FOXO3: variants seen among roughly 807,000 people sequenced by gnomAD.
FOXO3 encodes the protein forkhead box protein O3.
A neutral mutation model predicts 41.9 loss-of-function variants in FOXO3; 4 were observed. The ratio of observed to expected loss-of-function variants is 0.10; its 90% CI spans 0.05 to 0.22. The LOEUF is 0.22. FOXO3 is among the 10% of genes least tolerant of loss of function. The pLI is 1.00. For missense variants in FOXO3, 534 were observed against 906.8 expected, an observed-to-expected ratio of 0.59 and a Z score of 5.28; for synonymous variants, 318 against 389.3, an observed-to-expected ratio of 0.82 and a Z score of 2.16.
chr6:108,591,482 A>T (rs1285548693), intron 1 of FOXO3, among the ~76,000 whole-genome samples: 1 of 152,220 alleles, frequency 6.6e-6, no homozygotes, highest in Non-Finnish European at 1.5e-5. Flanking sequence ...GTCAGCATGA[A>T]ATCCAAAATT....
intron 2 of FOXO3, among the ~76,000 whole-genome samples, chr6:108,678,164 CAG>C (rs1205214459): frequency 1.3e-4 from 20 of 152,276 alleles, no homozygotes; most frequent in Admixed American, 1.2e-3. Context: ...CCAGCAAGTG[CAG>C]AGTCACAGAA....
At chr6:108,611,960 C>T (rs1777377795) in intron 1 of FOXO3, among the ~76,000 whole-genome samples, 1 of 152,206 alleles carries the variant, frequency 6.6e-6, no homozygotes, top group South Asian at 2.1e-4. Flanking sequence ...TTGACACCTT[C>T]GTGTATTTCT....
At position 108,572,600 on chromosome 6, in the gene FOXO3, G is replaced by A. The variant is rs563402377; in HGVS notation, c.621+10771G>A. Among the ~76,000 whole-genome samples the A allele has an allele frequency of 2.1e-4, 32 of 152,294 alleles. 1 individual carries two copies. The highest frequency in any genetic ancestry group is 2.1e-3 in the Admixed American group (32 of 15,294). ...GTTCAGACATTTAAGAATCAGAATT[G>A]CATCTGTTTATTCTCATATTTTAAA... is the stretch of plus-strand genomic sequence containing the variant. On this transcript the variant is annotated intron_variant, in intron 1 of 2. Transcript: ENST00000406360.
At chr6:108,674,073 G>T (rs1259575177) in intron 2 of FOXO3, among the ~76,000 whole-genome samples, 3 of 152,122 alleles carry the variant, frequency 2.0e-5, no homozygotes, top group African/African-American at 7.2e-5. Context: ...GCCTTGTATT[G>T]ATTTCATCTG....
chr6:108,664,900 A>C lies in FOXO3; in HGVS notation c.*34+11A>C. ...AAGTGGGCAAAGCAGGTCAGTGCCG[A>C]ATGCTATGGCATAAAAATAACAATA... On this transcript the variant is annotated intron_variant, in intron 2 of 2. Coordinates refer to ENST00000406360, the MANE Select transcript of FOXO3 (RefSeq NM_001455.4). 1 of 1,587,434 alleles carries C rather than the reference A, an allele frequency of 6.3e-7. No individual in the cohort carries two copies. The highest frequency in any genetic ancestry group is 8.6e-7 in the Non-Finnish European group (1 of 1,166,478).
At chr6:108,591,738 A>G (rs1776737737) in intron 1 of FOXO3, among the ~76,000 whole-genome samples, 1 of 152,170 alleles carries the variant, frequency 6.6e-6, no homozygotes. Context: ...CACAAAACAA[A>G]ACTTCGTGTT....
chr6:108,679,073 A>G (rs9320265), intron 2 of FOXO3, among the ~76,000 whole-genome samples: 105,284 of 151,024 alleles, frequency 0.7, 40,489 homozygotes, highest in East Asian at 0.91. Context: ...GGGTTTCACC[A>G]TGTTAGCCAG....
intron 1 of FOXO3, among the ~76,000 whole-genome samples, chr6:108,562,291 A>C (rs1025401618): frequency 1.3e-5 from 2 of 151,972 alleles, no homozygotes; most frequent in African/African-American, 4.8e-5. Flanking sequence ...TCGCAGGAGC[A>C]TGTTGCGTCG....
intron 1 of FOXO3, among the ~76,000 whole-genome samples, chr6:108,590,062 C>G (rs1776692827): frequency 5.3e-5 from 8 of 151,916 alleles, no homozygotes; most frequent in Admixed American, 5.2e-4. Flanking sequence ...CATAAGTATG[C>G]AGGCAAACAC....
At chr6:108,657,695 A>AT (rs1335756496) in intron 1 of FOXO3, among the ~76,000 whole-genome samples, 1 of 152,212 alleles carries the variant, frequency 6.6e-6, no homozygotes, top group African/African-American at 2.4e-5. Flanking sequence ...AAATCATAGA[A>AT]TATTTGTAAT....
At chr6:108,651,440 T>C (rs570102601) in intron 1 of FOXO3, among the ~76,000 whole-genome samples, 1 of 152,202 alleles carries the variant, frequency 6.6e-6, no homozygotes, top group Non-Finnish European at 1.5e-5. Flanking sequence ...TGTGCGTAGC[T>C]GTGTGACTGT....
At position 108,595,807 on chromosome 6, in the gene FOXO3, G is replaced by A. The variant is rs995100160; in HGVS notation, c.621+33978G>A. 3.9e-5 allele frequency among the ~76,000 whole-genome samples: 6 copies of A among 152,160 alleles called. No homozygotes were observed. The East Asian group carries it at 1.2e-3, about 29-fold the overall frequency. ...ATTAGTGACCTCTGTGTTTGCACGT[G>A]GTTATGAGGGGCCTGATGGTGTTCA... is the stretch of plus-strand genomic sequence containing the variant. On this transcript the variant is annotated intron_variant, in intron 1 of 2. Transcript: ENST00000406360.
Position 108,682,382 on chromosome 6 carries a change from T to C in FOXO3, c.*2590T>C, listed in dbSNP as rs1305357224. 1 of 152,472 alleles carries C rather than the reference T, an allele frequency of 6.6e-6. No individual in the cohort carries two copies. The highest frequency in any genetic ancestry group is 1.5e-5 in the Non-Finnish European group (1 of 68,160). 9.4% of individuals were successfully genotyped at this position (152,472 alleles called of 1,614,324 possible). On this transcript the variant is annotated 3_prime_UTR_variant, in exon 3 of 3. Transcript: ENST00000406360. The stretch of plus-strand genomic sequence containing the variant: ...GAATGAAGAGGGAATGCTTTGGTTT[T>C]TTGTTTTGTTTTGTTTTTTCTTTTT...
intron 1 of FOXO3, among the ~76,000 whole-genome samples, chr6:108,649,813 C>T (rs1426152644): frequency 6.6e-6 from 1 of 152,088 alleles, no homozygotes; most frequent in Admixed American, 6.5e-5. Context: ...GCTAACATTC[C>T]ACATAATGCC....
intron 1 of FOXO3, among the ~76,000 whole-genome samples, chr6:108,626,520 CAGGG>C (rs979487607): frequency 6.6e-6 from 1 of 151,984 alleles, no homozygotes; most frequent in African/African-American, 2.4e-5. Flanking sequence ...ACTATCTGGC[CAGGG>C]AGAGAAAGAG....
chr6:108,656,555 G>A (rs576333937), intron 1 of FOXO3: 1 of 971,266 alleles, frequency 1.0e-6, no homozygotes, highest in Non-Finnish European at 1.2e-6. Flanking sequence ...TAACATTTAT[G>A]ATGTCACTGC....
Position 108,681,758 on chromosome 6 carries a change from A to C in FOXO3, c.*1966A>C, listed in dbSNP as rs1391454277. ...AATCTTCATTTTTAAAGTATGTGTA[A>C]TTTTTTTAAGTATGTATTCTATTCA... is the stretch of plus-strand genomic sequence containing the variant. On this transcript the variant is annotated 3_prime_UTR_variant, in exon 3 of 3. Coordinates refer to ENST00000406360, the MANE Select transcript of FOXO3 (RefSeq NM_001455.4). 1 of 152,504 alleles carries C rather than the reference A, an allele frequency of 6.6e-6. No homozygotes were observed. Among genetic ancestry groups the C allele is most frequent in the African/African-American group, 2.4e-5 (1 of 41,426 alleles). The allele number at this position is 152,504 out of a possible 1,614,324, so 9.4% of individuals were successfully genotyped here. A position where few individuals can be genotyped will look rare whatever the true frequency, so the allele number is the denominator to read the frequency against.
chr6:108,644,363 G>A (rs1306926340), intron 1 of FOXO3, among the ~76,000 whole-genome samples: 1 of 152,196 alleles, frequency 6.6e-6, no homozygotes, highest in African/African-American at 2.4e-5. Flanking sequence ...TTTATTATTA[G>A]TAGTGATCCC....
In FOXO3 at chr6:108,561,472, G is replaced by A. The variant is rs1345030494; in HGVS notation, c.264G>A (p.Leu88=). 1.2e-5 allele frequency: 18 copies of A among 1,520,874 alleles called. No individual in the cohort carries two copies. Among genetic ancestry groups the A allele is most frequent in the South Asian group, 1.0e-4 (8 of 79,628 alleles). The allele number at this position is 1,520,874 out of a possible 1,614,324, so 94.2% of individuals were successfully genotyped here. Residue 88 remains leucine, a synonymous_variant, in exon 1 of 3, where the codon CTG becomes CTA. Coordinates refer to ENST00000406360, the MANE Select transcript of FOXO3 (RefSeq NM_001455.4). ...GCGGCGGCGGCGGGAGCGGCACGCT[G>A]GGCTCCGGGCTGCTCCTTGAGGACT... ...AIGGGGGSGT[L]GSGLLLEDSA... is the part of the protein sequence containing the mutation.
Sources: allele counts gnomAD v4.1 joint callset (sites outside exome capture counted in the v4.1 genomes callset), GRCh38; gene constraint gnomAD v4.1.1; transcripts MANE v1.5; gene names NCBI Gene and HGNC (gene_info 2026-07-23, HGNC 2026-07-21).